KRTAP13-2: variants seen among roughly 807,000 people sequenced by gnomAD.
The protein encoded by KRTAP13-2 is keratin associated protein 13-2.
For synonymous variants in KRTAP13-2, 92 were observed against 87.4 expected, an observed-to-expected ratio of 1.05 and a Z score of -0.30; for missense variants, 231 against 212.4, an observed-to-expected ratio of 1.09 and a Z score of -0.55.
Position 30,371,794 on chromosome 21 carries a change from G to T in KRTAP13-2, c.420C>A (p.Leu140=). The change falls in exon 1 of 1, where the codon CTC becomes CTA. Residue 140 remains leucine, a synonymous_variant. Coordinates refer to ENST00000399889, the MANE Select transcript of KRTAP13-2 (RefSeq NM_181621.4). ...LGYGSCGFPS[L]GYGSGFCRPT... ...GGCGGCAGAATCCAGATCCATAGCC[G>T]AGGGAAGGGAAGCCACAGCTTCCAT... 6.2e-7 allele frequency: 1 copy of T among 1,614,068 alleles called. No individual in the cohort carries two copies. The highest frequency in any genetic ancestry group is 8.5e-7 in the Non-Finnish European group (1 of 1,179,950).
chr21:30,371,606 G>GTT lies in KRTAP13-2; in HGVS notation c.*78_*79dup. The GTT allele has an allele frequency of 2.2e-6, 3 of 1,355,444 alleles. No individual in the cohort carries two copies. The highest frequency in any genetic ancestry group is 3.1e-6 in the Non-Finnish European group (3 of 975,182). The allele number at this position is 1,355,444 out of a possible 1,614,324, so 84.0% of individuals were successfully genotyped here. The stretch of plus-strand genomic sequence containing the variant: ...GGATGAAGAGCTAGTAGTAAGAGGG[G>GTT]TTAGCTCACATTGCTGGAAATGCCT... On this transcript the variant is annotated 3_prime_UTR_variant, in exon 1 of 1. Coordinates refer to ENST00000399889, the MANE Select transcript of KRTAP13-2 (RefSeq NM_181621.4).
chr21:30,371,794 G>C lies in KRTAP13-2; in HGVS notation c.420C>G (p.Leu140=), dbSNP rs748883950. The stretch of plus-strand genomic sequence containing the variant: ...GGCGGCAGAATCCAGATCCATAGCC[G>C]AGGGAAGGGAAGCCACAGCTTCCAT... ...LGYGSCGFPS[L]GYGSGFCRPT... The change falls in exon 1 of 1, where the codon CTC becomes CTG. Residue 140 remains leucine, a synonymous_variant. Coordinates refer to ENST00000399889, the MANE Select transcript of KRTAP13-2 (RefSeq NM_181621.4). 4 of 1,613,948 alleles carry C rather than the reference G, an allele frequency of 2.5e-6. No individual in the cohort carries two copies. The highest frequency in any genetic ancestry group is 1.1e-5 in the South Asian group (1 of 91,058).
chr21:30,371,454 A>T lies in KRTAP13-2; in HGVS notation c.*232T>A. 2.0e-6 allele frequency: 1 copy of T among 510,134 alleles called. No homozygotes were observed. Among genetic ancestry groups the T allele is most frequent in the Non-Finnish European group, 3.5e-6 (1 of 287,088 alleles). 31.6% of individuals were successfully genotyped at this position (510,134 alleles called of 1,614,324 possible). ...ACTGAACTTCCATATACTTTATAAG[A>T]TGAACTTACGTGATAACGAATCACT... On this transcript the variant is annotated 3_prime_UTR_variant, in exon 1 of 1. Transcript: ENST00000399889.
rs768369868 is a variant in KRTAP13-2 at position 30,372,083 on chromosome 21, C to T, written c.131G>A (p.Ser44Asn). The change falls in exon 1 of 1, where the codon AGC becomes AAC. Residue 44 changes from serine (S) to asparagine (N), a missense_variant. Transcript: ENST00000399889. ...LVYSTDLCSP[S>N]TCQLGSSLYR... ...GAGAGAGGAACCCAGCTGGCAGGTGCTGGGAGAGCAGAGGTCAGTGCTGTA... is the reference window on the plus strand; with the variant it reads ...GAGAGAGGAACCCAGCTGGCAGGTGTTGGGAGAGCAGAGGTCAGTGCTGTA... 1 of 1,614,044 alleles carries T rather than the reference C, an allele frequency of 6.2e-7. No homozygotes were observed. The highest frequency in any genetic ancestry group is 1.3e-5 in the African/African-American group (1 of 74,924).
rs975290774 is a variant in KRTAP13-2, at chr21:30,371,693, G to A, written c.521C>T (p.Thr174Ile). The change falls in exon 1 of 1, where the codon ACT (threonine) becomes ATT (isoleucine). Residue 174 changes from threonine to isoleucine, a missense_variant. Coordinates refer to ENST00000399889, the MANE Select transcript of KRTAP13-2 (RefSeq NM_181621.4). ...CTTAAAAGGTCTGGAAATTCAGCAAGTTGATCTGCAGAAGGTTGATCCATA... is the reference window on the plus strand; with the variant it reads ...CTTAAAAGGTCTGGAAATTCAGCAAATTGATCTGCAGAAGGTTGATCCATA... ...PAYGSTFCRSTC is the reference protein window; with the variant it reads ...PAYGSTFCRSIC 2 of 1,612,624 alleles carry A rather than the reference G, an allele frequency of 1.2e-6. No homozygotes were observed. Among genetic ancestry groups the A allele is most frequent in the South Asian group, 2.2e-5 (2 of 90,990 alleles).
chr21:30,371,617 T>C lies in KRTAP13-2; in HGVS notation c.*69A>G, dbSNP rs1982897961. On this transcript the variant is annotated 3_prime_UTR_variant, in exon 1 of 1. Coordinates refer to ENST00000399889, the MANE Select transcript of KRTAP13-2 (RefSeq NM_181621.4). ...TAGTAGTAAGAGGGGTTAGCTCACA[T>C]TGCTGGAAATGCCTATGATAACAGC... The C allele has an allele frequency of 2.3e-5, 34 of 1,464,406 alleles. 2 individuals are homozygous for C. In the South Asian group the frequency reaches 4.4e-4, roughly 19 times the overall value. The allele number at this position is 1,464,406 out of a possible 1,614,324, so 90.7% of individuals were successfully genotyped here.
Position 30,371,695 on chromosome 21 carries a change from T to C in KRTAP13-2, c.519A>G (p.Ser173=). 1.2e-6 allele frequency: 2 copies of C among 1,612,634 alleles called. No individual in the cohort carries two copies. The highest frequency in any genetic ancestry group is 1.7e-6 in the Non-Finnish European group (2 of 1,179,162). Reference sequence around the variant, plus strand: ...TAAAAGGTCTGGAAATTCAGCAAGTTGATCTGCAGAAGGTTGATCCATAGG... The same window carrying C: ...TAAAAGGTCTGGAAATTCAGCAAGTCGATCTGCAGAAGGTTGATCCATAGG... The part of the protein sequence containing the change: ...RPAYGSTFCR[S]TC Residue 173 remains serine, a synonymous_variant, in exon 1 of 1, where the codon TCA becomes TCG. Transcript: ENST00000399889.
chr21:30,371,766 T>A lies in KRTAP13-2; in HGVS notation c.448A>T (p.Thr150Ser), dbSNP rs567273757. ...LGYGSGFCRPTYLASRSCQSP... is the reference protein window; with the variant it reads ...LGYGSGFCRPSYLASRSCQSP... Reference sequence around the variant, plus strand: ...TGGCAGCTCCTAGAAGCCAAGTAGGTTGGGCGGCAGAATCCAGATCCATAG... The same window carrying A: ...TGGCAGCTCCTAGAAGCCAAGTAGGATGGGCGGCAGAATCCAGATCCATAG... Residue 150 changes from threonine to serine, a missense_variant, in exon 1 of 1, where the codon ACC becomes TCC. Coordinates refer to ENST00000399889, the MANE Select transcript of KRTAP13-2 (RefSeq NM_181621.4). 6.2e-7 allele frequency: 1 copy of A among 1,613,990 alleles called. No homozygotes were observed. The highest frequency in any genetic ancestry group is 8.5e-7 in the Non-Finnish European group (1 of 1,179,992).
chr21:30,372,217 G>A lies in KRTAP13-2; in HGVS notation c.-4C>T. On this transcript the variant is annotated 5_prime_UTR_variant, in exon 1 of 1. Transcript: ENST00000399889. ...CAGAGCAGCAGTTGTAGGACATGTTGACGGGAGATGTGAGTTCAGCTGAGT... is the reference window on the plus strand; with the variant it reads ...CAGAGCAGCAGTTGTAGGACATGTTAACGGGAGATGTGAGTTCAGCTGAGT... 3 of 1,608,116 alleles carry A rather than the reference G, an allele frequency of 1.9e-6. No individual in the cohort carries two copies. The Admixed American group carries it at 5.0e-5, about 27-fold the overall frequency.
chr21:30,372,082 G>T lies in KRTAP13-2; in HGVS notation c.132C>A (p.Ser44Arg). ...AGAGAGAGGAACCCAGCTGGCAGGT[G>T]CTGGGAGAGCAGAGGTCAGTGCTGT... ...LVYSTDLCSP[S>R]TCQLGSSLYR... The change falls in exon 1 of 1, where the codon AGC becomes AGA. Residue 44 changes from serine to arginine, a missense_variant. Coordinates refer to ENST00000399889, the MANE Select transcript of KRTAP13-2 (RefSeq NM_181621.4). 1.2e-6 allele frequency: 2 copies of T among 1,614,234 alleles called. No homozygotes were observed. Among genetic ancestry groups the T allele is most frequent in the East Asian group, 2.2e-5 (1 of 44,874 alleles).
rs199642452 is a variant in KRTAP13-2 at position 30,372,172 on chromosome 21, G to C, written c.42C>G (p.Ser14=). 36 of 1,613,986 alleles carry C rather than the reference G, an allele frequency of 2.2e-5. No individual in the cohort carries two copies. Among genetic ancestry groups the C allele is most frequent in the Non-Finnish European group, 2.9e-5 (34 of 1,179,896 alleles). Residue 14 remains serine, a synonymous_variant, in exon 1 of 1, where the codon TCC becomes TCG. Transcript: ENST00000399889. The part of the protein sequence containing the change: ...NCCSGNFSSR[S]CGDYLRYPAS... The stretch of plus-strand genomic sequence containing the variant: ...CTGGGTAGCGCAGGTAGTCACCACA[G>C]GAGCGGGAGGAGAAGTTTCCAGAGC...
chr21:30,371,537 C>T lies in KRTAP13-2; in HGVS notation c.*149G>A, dbSNP rs878951858. Reference sequence around the variant, plus strand: ...TTTGCTCATTCATTAATTTCACAGTCTGAAAGAACTAGCCTGTCCAGCCAG... The same window carrying T: ...TTTGCTCATTCATTAATTTCACAGTTTGAAAGAACTAGCCTGTCCAGCCAG... On this transcript the variant is annotated 3_prime_UTR_variant, in exon 1 of 1. Transcript: ENST00000399889. 6.3e-5 allele frequency: 46 copies of T among 735,150 alleles called. No homozygotes were observed. In the South Asian group the frequency reaches 8.5e-4, roughly 14 times the overall value. 45.5% of individuals were successfully genotyped at this position (735,150 alleles called of 1,614,324 possible). A position where few individuals can be genotyped will look rare whatever the true frequency, so the allele number is the denominator to read the frequency against.
rs1982911649 is a variant in KRTAP13-2, at chr21:30,371,901, T to C, written c.313A>G (p.Ser105Gly). The stretch of plus-strand genomic sequence containing the variant: ...CCATAGCCCAGGGAGCGGCAGCTGC[T>C]GGATCCAAAGCCTAGAGACCCAGAG... The part of the protein sequence containing the change: ...TYSGSLGFGS[S>G]SCRSLGYGSR... Residue 105 changes from serine to glycine, a missense_variant, in exon 1 of 1, where the codon AGC (serine) becomes GGC (glycine). Ser to Gly is a moderately conservative substitution (Grantham distance 56). Transcript: ENST00000399889. 6.2e-7 allele frequency: 1 copy of C among 1,614,072 alleles called. No homozygotes were observed. The highest frequency in any genetic ancestry group is 1.3e-5 in the African/African-American group (1 of 74,916).
chr21:30,372,105 T>C lies in KRTAP13-2; in HGVS notation c.109A>G (p.Ser37Gly), dbSNP rs948792291. 24 of 1,614,156 alleles carry C rather than the reference T, an allele frequency of 1.5e-5. No individual in the cohort carries two copies. The East Asian group carries it at 4.5e-4, about 30-fold the overall frequency. Reference sequence around the variant, plus strand: ...GTGCTGGGAGAGCAGAGGTCAGTGCTGTAGACCAGATTGCTGGGGTAGGAA... The same window carrying C: ...GTGCTGGGAGAGCAGAGGTCAGTGCCGTAGACCAGATTGCTGGGGTAGGAA... ...GFSYPSNLVY[S>G]TDLCSPSTCQ... is the part of the protein sequence containing the mutation. Residue 37 changes from serine to glycine, a missense_variant, in exon 1 of 1, where the codon AGC becomes GGC. Physicochemically the swap from Ser to Gly is moderately conservative, Grantham distance 56. Coordinates refer to ENST00000399889, the MANE Select transcript of KRTAP13-2 (RefSeq NM_181621.4).
rs761178793 is a variant in KRTAP13-2 at position 30,371,671 on chromosome 21, A to G, written c.*15T>C. 1 of 1,608,818 alleles carries G rather than the reference A, an allele frequency of 6.2e-7. No homozygotes were observed. Among genetic ancestry groups the G allele is most frequent in the Admixed American group, 1.7e-5 (1 of 59,578 alleles). ...ACGTAGAGACTGAGACACTTTGCTT[A>G]AAAGGTCTGGAAATTCAGCAAGTTG... On this transcript the variant is annotated 3_prime_UTR_variant, in exon 1 of 1. Coordinates refer to ENST00000399889, the MANE Select transcript of KRTAP13-2 (RefSeq NM_181621.4).
rs755365119 is a variant in KRTAP13-2 at position 30,371,891 on chromosome 21, C to T, written c.323G>A (p.Arg108His). Residue 108 changes from arginine to histidine, a missense_variant, in exon 1 of 1, where the codon CGC (arginine) becomes CAC (histidine). Arg to His is a conservative substitution (Grantham distance 29). Transcript: ENST00000399889. The part of the protein sequence containing the change: ...GSLGFGSSSC[R>H]SLGYGSRSCY... ...GCTCCTCGATCCATAGCCCAGGGAG[C>T]GGCAGCTGCTGGATCCAAAGCCTAG... 3.7e-5 allele frequency: 60 copies of T among 1,614,032 alleles called. No individual in the cohort carries two copies. The highest frequency in any genetic ancestry group is 3.3e-4 in the Middle Eastern group (2 of 6,084).
Position 30,371,647 on chromosome 21 carries a change from C to T in KRTAP13-2, c.*39G>A, listed in dbSNP as rs372468472. On this transcript the variant is annotated 3_prime_UTR_variant, in exon 1 of 1. Transcript: ENST00000399889. ...GGAAATGCCTATGATAACAGCTCTA[C>T]GTAGAGACTGAGACACTTTGCTTAA... The T allele has an allele frequency of 4.9e-5, 78 of 1,585,930 alleles. No individual in the cohort carries two copies. The East Asian group carries it at 5.1e-4, about 10-fold the overall frequency.
rs751159140 is a variant in KRTAP13-2 at position 30,372,137 on chromosome 21, C to A, written c.77G>T (p.Arg26Leu). 3.5e-5 allele frequency: 56 copies of A among 1,614,114 alleles called. No individual in the cohort carries two copies. The highest frequency in any genetic ancestry group is 4.6e-5 in the Non-Finnish European group (54 of 1,180,014). Residue 26 changes from arginine (R) to leucine (L), a missense_variant, in exon 1 of 1, where the codon CGT becomes CTT. By Grantham distance (102) the Arg-to-Leu change is moderately radical. Transcript: ENST00000399889. Reference sequence around the variant, plus strand: ...CAGATTGCTGGGGTAGGAAAAGCCACGTGAGGATGCTGGGTAGCGCAGGTA... The same window carrying A: ...CAGATTGCTGGGGTAGGAAAAGCCAAGTGAGGATGCTGGGTAGCGCAGGTA... ...GDYLRYPASS[R>L]GFSYPSNLVY...
At position 30,371,924 on chromosome 21, in the gene KRTAP13-2, G is replaced by T; in HGVS notation, c.290C>A (p.Ser97Tyr). The T allele has an allele frequency of 6.2e-7, 1 of 1,614,192 alleles. No homozygotes were observed. The highest frequency in any genetic ancestry group is 8.5e-7 in the Non-Finnish European group (1 of 1,180,032). Residue 97 changes from serine to tyrosine, a missense_variant, in exon 1 of 1, where the codon TCT becomes TAT. Coordinates refer to ENST00000399889, the MANE Select transcript of KRTAP13-2 (RefSeq NM_181621.4). ...GCTGGATCCAAAGCCTAGAGACCCA[G>T]AGTAAGTCGTCTTGCAAGGACTGCA... The part of the protein sequence containing the change: ...LLCSPCKTTY[S>Y]GSLGFGSSSC...
Sources: gnomAD v4.1 joint callset for allele counts on GRCh38, gnomAD v4.1.1 for gene constraint, MANE v1.5 for transcripts, NCBI Gene and HGNC (gene_info 2026-07-23, HGNC 2026-07-21) for gene names.